The following EXOC1 variants were observed in gnomAD, a reference collection of about 807,000 sequenced individuals.
EXOC1 encodes the protein SEC3-like 1.
In EXOC1, 67 loss-of-function variants were observed where a neutral mutation model predicts 107.7. The ratio of observed to expected loss-of-function variants is 0.62; its 90% CI spans 0.51 to 0.76. EXOC1 has a LOEUF of 0.76. EXOC1 is among the 30% of genes least tolerant of loss of function. The pLI is 0.00. For synonymous variants in EXOC1, 348 were observed against 353.5 expected (o/e 0.98, Z 0.17); for missense variants, 833 against 1,055.7 (o/e 0.79, Z 2.92).
At position 55,891,316 on chromosome 4, in the gene EXOC1, T is replaced by A; in HGVS notation, c.1541T>A (p.Ile514Asn). Residue 514 changes from isoleucine (I) to asparagine (N), a missense_variant and splice_region_variant, in exon 13 of 19, where the codon ATC becomes AAC. Transcript: ENST00000381295. ...TAGGATCACTTTGGTTTTCTTCAGA[T>A]CTTTGAACAGGTACTAAGTGAACTG... ...DVADRTKFDK[I>N]FEQVLSELEP... The A allele has an allele frequency of 6.2e-7, 1 of 1,610,560 alleles. No homozygotes were observed. Among genetic ancestry groups the A allele is most frequent in the Non-Finnish European group, 8.5e-7 (1 of 1,176,902 alleles).
chr4:55,889,073 A>G, intron 11 of EXOC1, 141 bp downstream of exon 11: 1 of 726,270 alleles, frequency 1.4e-6, no homozygotes, highest in Non-Finnish European at 2.4e-6. Context: ...AGCCAACATG[A>G]TGGTAGTGAT....
rs116015435 is a variant in EXOC1, at chr4:55,884,696, C to T, written c.1330+768C>T. On this transcript the variant is annotated intron_variant, in intron 10 of 18. Coordinates refer to ENST00000381295, the MANE Select transcript of EXOC1 (RefSeq NM_001024924.2). ...GTCAAAACCTGGCCTTAAATGGCCA[C>T]ATTGTGTACTCCTCAGTGTGTCTGC... Among the ~76,000 whole-genome samples, 531 of 152,254 alleles carry T rather than the reference C, an allele frequency of 3.5e-3. 1 individual carries two copies. Among genetic ancestry groups the T allele is most frequent in the Non-Finnish European group, 6.1e-3 (418 of 68,016 alleles).
intron 8 of EXOC1, chr4:55,875,492 G>GAGTGC (rs777039188): frequency 3.1e-6 from 3 of 975,472 alleles, no homozygotes; most frequent in Non-Finnish European, 2.4e-6. Context: ...AAGTGCTTAA[G>GAGTGC]AGTGCAGACA....
intron 3 of EXOC1, among the ~76,000 whole-genome samples, chr4:55,860,776 A>G (rs1275066333): frequency 6.6e-6 from 1 of 152,130 alleles, no homozygotes; most frequent in Non-Finnish European, 1.5e-5. Context: ...TATAAAATCT[A>G]TACATAGTAT....
intron 8 of EXOC1, among the ~76,000 whole-genome samples, chr4:55,872,320 G>C (rs1722516088): frequency 6.6e-6 from 1 of 152,064 alleles, no homozygotes; most frequent in South Asian, 2.1e-4. Flanking sequence ...GTGAGACTCA[G>C]GACTTGATTC....
chr4:55,877,941 G>A lies in EXOC1; in HGVS notation c.1099G>A (p.Ala367Thr), dbSNP rs1297297353. 9 of 1,613,646 alleles carry A rather than the reference G, an allele frequency of 5.6e-6. No homozygotes were observed. Among genetic ancestry groups the A allele is most frequent in the Non-Finnish European group, 7.6e-6 (9 of 1,179,848 alleles). ...GGGTCATGATCAGAGTTCGACTCTTGCCCAACACTCTGTTGAACTGACTTT... is the reference window on the plus strand; with the variant it reads ...GGGTCATGATCAGAGTTCGACTCTTACCCAACACTCTGTTGAACTGACTTT... The part of the protein sequence containing the change: ...QQGHDQSSTL[A>T]QHSVELTLPN... Residue 367 changes from alanine (A) to threonine (T), a missense_variant, in exon 9 of 19, where the codon GCC (alanine) becomes ACC (threonine). Ala to Thr is a moderately conservative substitution (Grantham distance 58). Coordinates refer to ENST00000381295, the MANE Select transcript of EXOC1 (RefSeq NM_001024924.2).
chr4:55,878,099 T>C (rs943143521), intron 9 of EXOC1, 33 bp downstream of exon 9: 1 of 1,599,236 alleles, frequency 6.3e-7, no homozygotes, highest in Non-Finnish European at 8.5e-7. Flanking sequence ...TCACTGAGAA[T>C]AGAGCATTAT....
chr4:55,901,623 A>G lies in EXOC1; in HGVS notation c.2338-721A>G, dbSNP rs184096048. Among the ~76,000 whole-genome samples, 133 of 152,242 alleles carry G rather than the reference A, an allele frequency of 8.7e-4. 1 individual carries two copies. The highest frequency in any genetic ancestry group is 3.1e-3 in the African/African-American group (128 of 41,574). On this transcript the variant is annotated intron_variant, in intron 17 of 18. Coordinates refer to ENST00000381295, the MANE Select transcript of EXOC1 (RefSeq NM_001024924.2). ...GGGGCTGAATCACTACTAAACATATAAAAGCAGGTTAACCTTATTTATAGC... is the reference window on the plus strand; with the variant it reads ...GGGGCTGAATCACTACTAAACATATGAAAGCAGGTTAACCTTATTTATAGC...
intron 10 of EXOC1, among the ~76,000 whole-genome samples, chr4:55,887,392 A>C (rs73238388): frequency 3.9e-5 from 6 of 152,260 alleles, no homozygotes; most frequent in Non-Finnish European, 8.8e-5. Context: ...TTATCTAATA[A>C]CTCACTGTTA....
chr4:55,876,936 G>A, intron 8 of EXOC1: 6 of 985,102 alleles, frequency 6.1e-6, no homozygotes, highest in Non-Finnish European at 6.0e-6. Context: ...TTTGTACTTG[G>A]CATGTCTTAT....
chr4:55,904,370 T>C lies in EXOC1; in HGVS notation c.2560T>C (p.Phe854Leu). ...GGTGTGGCACTCCATGCAAGATGAA[T>C]TTATACGCCAGTATAAGCACTTTGA... ...QVVWHSMQDE[F>L]IRQYKHFEGL... Residue 854 changes from phenylalanine to leucine, a missense_variant, in exon 19 of 19, where the codon TTT (phenylalanine) becomes CTT (leucine). Around this residue, in one of 2 missense-constraint regions of EXOC1, gnomAD observed 216 missense variants for 354.4 expected, o/e 0.61. Coordinates refer to ENST00000381295, the MANE Select transcript of EXOC1 (RefSeq NM_001024924.2). 1 of 1,611,116 alleles carries C rather than the reference T, an allele frequency of 6.2e-7. No individual in the cohort carries two copies. Among genetic ancestry groups the C allele is most frequent in the Non-Finnish European group, 8.5e-7 (1 of 1,179,114 alleles).
chr4:55,897,767 C>T (rs569102228), intron 16 of EXOC1, among the ~76,000 whole-genome samples: 1 of 152,254 alleles, frequency 6.6e-6, no homozygotes, highest in South Asian at 2.1e-4. Context: ...AGGCAGGCAT[C>T]ATCACGCCTG....
At position 55,870,073 on chromosome 4, in the gene EXOC1, T is replaced by C. The variant is rs186445874; in HGVS notation, c.604-605T>C. Among the ~76,000 whole-genome samples, 155 of 151,970 alleles carry C rather than the reference T, an allele frequency of 1.0e-3. No homozygotes were observed. The East Asian group carries it at 0.026, about 25-fold the overall frequency. On this transcript the variant is annotated intron_variant, in intron 5 of 18. Coordinates refer to ENST00000381295, the MANE Select transcript of EXOC1 (RefSeq NM_001024924.2). ...TGCCTGGGGAAGAAAAAAAAAACAG[T>C]TGAAAGAGAAAAGAAAAAAGATGAT...
chr4:55,899,800 A>C lies in EXOC1; in HGVS notation c.2253A>C (p.Glu751Asp), dbSNP rs779534265. The change falls in exon 17 of 19, where the codon GAA becomes GAC. Residue 751 changes from glutamate to aspartate, a missense_variant. Glu to Asp is a conservative substitution (Grantham distance 45). Transcript: ENST00000381295. Reference protein sequence around the residue: ...SRLKISCLEAEKKEAKQKYTD... With the variant: ...SRLKISCLEADKKEAKQKYTD... ...TGAAAATCTCATGTCTAGAAGCAGA[A>C]AAAAAAGAAGCCAAACAAAAATACA... The C allele has an allele frequency of 1.9e-6, 3 of 1,613,626 alleles. No individual in the cohort carries two copies. The highest frequency in any genetic ancestry group is 2.5e-6 in the Non-Finnish European group (3 of 1,179,748).
chr4:55,855,326 C>T (rs1257808660), intron 1 of EXOC1, among the ~76,000 whole-genome samples: 1 of 152,004 alleles, frequency 6.6e-6, no homozygotes, highest in Non-Finnish European at 1.5e-5. Context: ...GGGGGGAAAT[C>T]GCAGAATGTG....
chr4:55,866,792 T>C, intron 4 of EXOC1: 3 of 872,268 alleles, frequency 3.4e-6, no homozygotes, highest in Non-Finnish European at 4.1e-6. Context: ...ATTTTAAAAA[T>C]TTAAGCCTGT....
intron 16 of EXOC1, among the ~76,000 whole-genome samples, chr4:55,898,110 T>G (rs1725454443): frequency 6.6e-6 from 1 of 151,956 alleles, no homozygotes; most frequent in Non-Finnish European, 1.5e-5. Flanking sequence ...TTTAAAAAAT[T>G]AGCCAGACGT....
At chr4:55,876,921 G>T in intron 8 of EXOC1, 1 of 985,142 alleles carries the variant, frequency 1.0e-6, no homozygotes, top group Non-Finnish European at 1.2e-6. Context: ...ATAATGATGT[G>T]GGTTTTTGTA....
chr4:55,856,700 C>G (rs1031699394), intron 1 of EXOC1, among the ~76,000 whole-genome samples: 1 of 151,908 alleles, frequency 6.6e-6, no homozygotes, highest in African/African-American at 2.4e-5. Context: ...CATATCCACA[C>G]AAATATGTAT....
Sources: allele counts gnomAD v4.1 joint callset (sites outside exome capture counted in the v4.1 genomes callset), GRCh38; gene constraint gnomAD v4.1.1; regional missense constraint gnomAD v4.1.1; transcripts MANE v1.5; gene names NCBI Gene and HGNC (gene_info 2026-07-23, HGNC 2026-07-21).